FOXP2: variants seen among roughly 807,000 people sequenced by gnomAD.
FOXP2 encodes the protein forkhead box protein P2.
FOXP2 carries 12 observed loss-of-function variants against 115.8 expected under a neutral mutation model. The ratio of observed to expected loss-of-function variants is 0.10; its 90% confidence interval spans 0.07 to 0.17. The LOEUF (loss-of-function observed/expected upper bound fraction) is 0.17, where lower values mean the gene tolerates loss of function less well. Among genes scored for constraint, FOXP2 ranks in the 10% least tolerant of loss-of-function variants. The pLI, the probability that FOXP2 is intolerant of heterozygous loss-of-function variation, is 1.00. For missense variants in FOXP2, 629 were observed against 843.5 expected, an observed-to-expected ratio of 0.75 and a Z score of 3.15; for synonymous variants, 328 against 297.7, an observed-to-expected ratio of 1.10 and a Z score of -1.05.
intron 2 of FOXP2, among the ~76,000 whole-genome samples, chr7:114,524,439 T>A (rs775898680): frequency 6.6e-6 from 1 of 152,148 alleles, no homozygotes; most frequent in Non-Finnish European, 1.5e-5. Context: ...TTGAGTCTTT[T>A]ACTGCATAAA....
chr7:114,174,634 A>G (rs772478957), intron 1 of FOXP2, among the ~76,000 whole-genome samples: 1 of 152,076 alleles, frequency 6.6e-6, no homozygotes, highest in African/African-American at 2.4e-5. Context: ...ATAAGAAACA[A>G]GGTAATTTAT....
Position 114,189,311 on chromosome 7 carries a change from G to C in FOXP2, c.-102+26223G>C, listed in dbSNP as rs1793694828. On this transcript the variant is annotated intron_variant, in intron 1 of 17. Transcript: ENST00000634411. ...TATCTCTCAAAACTTAAATATTTCT[G>C]ATCCTGTTAGAGTAAGTCAACAGCC... Among the ~76,000 whole-genome samples the C allele has an allele frequency of 2.6e-5, 4 of 152,074 alleles. No homozygotes were observed. In the South Asian group the frequency reaches 8.3e-4, roughly 32 times the overall value.
chr7:114,322,146 C>T (rs1797440004), intron 2 of FOXP2, among the ~76,000 whole-genome samples: 1 of 151,192 alleles, frequency 6.6e-6, no homozygotes, highest in Non-Finnish European at 1.5e-5. Context: ...CCTTAGCCTT[C>T]TGAGTAACTG....
intron 1 of FOXP2, among the ~76,000 whole-genome samples, chr7:114,155,075 G>A (rs574260394): frequency 6.6e-6 from 1 of 152,036 alleles, no homozygotes; most frequent in Non-Finnish European, 1.5e-5. Flanking sequence ...GTTATTAATA[G>A]AATTTAGAAA....
At chr7:114,616,674 G>T (rs1360391214) in intron 3 of FOXP2, among the ~76,000 whole-genome samples, 1 of 151,938 alleles carries the variant, frequency 6.6e-6, no homozygotes, top group Non-Finnish European at 1.5e-5. Context: ...TATTCTGCAG[G>T]CCTCATATAG....
chr7:114,179,382 A>T (rs1256584543), intron 1 of FOXP2, among the ~76,000 whole-genome samples: 2 of 151,974 alleles, frequency 1.3e-5, no homozygotes, highest in Non-Finnish European at 2.9e-5. Context: ...TTTGTTTTCT[A>T]GTAGATTTTA....
intron 1 of FOXP2, among the ~76,000 whole-genome samples, chr7:114,271,199 CA>C (rs1301064787): frequency 6.6e-6 from 1 of 151,772 alleles, no homozygotes; most frequent in African/African-American, 2.4e-5. Flanking sequence ...AGATTTTCTA[CA>C]CAGCCAATCA....
rs1003022288 is a variant in FOXP2, at chr7:114,405,633, G to A, written c.-10-20869G>A. 2.6e-5 allele frequency among the ~76,000 whole-genome samples: 4 copies of A among 151,824 alleles called. No homozygotes were observed. The East Asian group carries it at 7.7e-4, about 29-fold the overall frequency. ...AACAGGTAAAAGATGTAATAGTGCT[G>A]CCTACTGGTAAGAAATAGTAGTGTT... On this transcript the variant is annotated intron_variant, in intron 2 of 17. Transcript: ENST00000634411.
intron 1 of FOXP2, among the ~76,000 whole-genome samples, chr7:114,420,191 G>A (rs1384183426): frequency 2.0e-5 from 3 of 151,852 alleles, no homozygotes; most frequent in African/African-American, 7.3e-5. Context: ...CACAAGAGAA[G>A]TACATACTCA....
chr7:114,215,991 G>A (rs1030838673), intron 1 of FOXP2, among the ~76,000 whole-genome samples: 7 of 152,112 alleles, frequency 4.6e-5, no homozygotes, highest in African/African-American at 1.7e-4. Flanking sequence ...TACCTACCTA[G>A]CCACTGGCAG....
At chr7:114,311,490 G>T (rs1007795311) in intron 2 of FOXP2, among the ~76,000 whole-genome samples, 43 of 152,136 alleles carry the variant, frequency 2.8e-4, no homozygotes, top group African/African-American at 1.0e-3. Context: ...TACTTCAGCA[G>T]TAGAAGCCAC....
At chr7:114,099,822 A>T (rs889277423) in intron 1 of FOXP2, among the ~76,000 whole-genome samples, 2 of 152,168 alleles carry the variant, frequency 1.3e-5, no homozygotes, top group African/African-American at 4.8e-5. Flanking sequence ...AGTCACAGAT[A>T]CGTAGGATGA....
rs117203213 is a variant in FOXP2 at position 114,378,260 on chromosome 7, G to A, written c.-10-48242G>A. Among the ~76,000 whole-genome samples, 132 of 152,174 alleles carry A rather than the reference G, an allele frequency of 8.7e-4. 2 individuals are homozygous for A. In the East Asian group the frequency reaches 0.025, roughly 29 times the overall value. ...TGAACAGAATTGAGAAGCAGACATAGGAGTTAGATGGAGTATCAACATAAT... is the reference window on the plus strand; with the variant it reads ...TGAACAGAATTGAGAAGCAGACATAAGAGTTAGATGGAGTATCAACATAAT... On this transcript the variant is annotated intron_variant, in intron 2 of 17. Coordinates refer to the FOXP2 transcript ENST00000634411.
chr7:114,172,040 CT>C (rs151224178), intron 1 of FOXP2, among the ~76,000 whole-genome samples: 2 of 152,164 alleles, frequency 1.3e-5, no homozygotes, highest in Non-Finnish European at 2.9e-5. Context: ...CATGATAAAA[CT>C]TTAATAAGTG....
chr7:114,093,178 C>T (rs1385221637), intron 1 of FOXP2, among the ~76,000 whole-genome samples: 1 of 152,078 alleles, frequency 6.6e-6, no homozygotes, highest in Non-Finnish European at 1.5e-5. Flanking sequence ...GACATATAAA[C>T]CTCCTTGATA....
At chr7:114,614,884 A>G (rs552786055) in intron 3 of FOXP2, among the ~76,000 whole-genome samples, 1 of 152,256 alleles carries the variant, frequency 6.6e-6, no homozygotes, top group South Asian at 2.1e-4. Context: ...TAACTGGGGA[A>G]TAATTAACAG....
chr7:114,225,879 T>C (rs908618627), intron 1 of FOXP2, among the ~76,000 whole-genome samples: 2 of 152,156 alleles, frequency 1.3e-5, no homozygotes, highest in Non-Finnish European at 2.9e-5. Flanking sequence ...ATGTAACAGG[T>C]TGTCTACCAA....
At chr7:114,522,619 C>T (rs1798677686) in intron 2 of FOXP2, among the ~76,000 whole-genome samples, 1 of 152,058 alleles carries the variant, frequency 6.6e-6, no homozygotes, top group Non-Finnish European at 1.5e-5. Flanking sequence ...GGTTACAGGA[C>T]ACTTGACAAG....
intron 2 of FOXP2, among the ~76,000 whole-genome samples, chr7:114,458,326 T>G (rs1795409055): frequency 6.6e-6 from 1 of 152,068 alleles, no homozygotes; most frequent in African/African-American, 2.4e-5. Context: ...TTGTAAGAAT[T>G]TGCATAATCT....
Sources: allele counts gnomAD v4.1 joint callset (sites outside exome capture counted in the v4.1 genomes callset), GRCh38; gene constraint gnomAD v4.1.1; transcripts MANE v1.5; gene names NCBI Gene and HGNC (gene_info 2026-07-23, HGNC 2026-07-21).